The following CACNA2D3 variants were observed in gnomAD, a reference collection of about 807,000 sequenced individuals.
CACNA2D3 encodes voltage-dependent calcium channel subunit alpha-2/delta-3.
Under a neutral mutation model 160.6 loss-of-function variants are expected in CACNA2D3, and 60 were observed. That is an observed-to-expected ratio of 0.37 (90% confidence interval 0.30 to 0.46). The LOEUF (loss-of-function observed/expected upper bound fraction) is 0.46. Ranked by LOEUF, CACNA2D3 falls within the 20% of genes least tolerant of loss-of-function variation. The pLI, the probability that CACNA2D3 is intolerant of heterozygous loss-of-function variation, is 1.00. For missense variants in CACNA2D3, 1,205 were observed against 1,365.0 expected (o/e 0.88, Z 1.85); for synonymous variants, 558 against 492.9 (o/e 1.13, Z -1.75).
intron 2 of CACNA2D3, among the ~76,000 whole-genome samples, chr3:54,291,014 AC>A (rs1703187372): frequency 1.3e-5 from 2 of 152,184 alleles, no homozygotes; most frequent in Non-Finnish European, 2.9e-5. Flanking sequence ...ATATGTAACA[AC>A]CCTGCACGTT....
intron 14 of CACNA2D3, among the ~76,000 whole-genome samples, chr3:54,822,816 T>C (rs1455449299): frequency 3.3e-5 from 4 of 121,372 alleles, no homozygotes; most frequent in East Asian, 2.3e-4. Flanking sequence ...TCTTTCTTTC[T>C]TTCTTTCTTT....
chr3:54,488,224 AG>A (rs150001347), intron 4 of CACNA2D3, among the ~76,000 whole-genome samples: 3,107 of 152,304 alleles, frequency 0.02, 84 homozygotes, highest in East Asian at 0.11. Flanking sequence ...GGGTTGCTTA[AG>A]CAAGGTAGTT....
intron 13 of CACNA2D3, among the ~76,000 whole-genome samples, chr3:54,811,490 T>TAA (rs1703315755): frequency 2.6e-5 from 3 of 114,940 alleles, no homozygotes; most frequent in Non-Finnish European, 3.5e-5. Context: ...TTTTTTTTTT[T>TAA]TTTTTTTTTT....
intron 35 of CACNA2D3, among the ~76,000 whole-genome samples, chr3:55,031,484 A>G: frequency 6.6e-6 from 1 of 152,232 alleles, no homozygotes; most frequent in East Asian, 1.9e-4. Flanking sequence ...GAATATAGAT[A>G]CAAAGTTTCT....
intron 5 of CACNA2D3, among the ~76,000 whole-genome samples, chr3:54,535,596 C>T (rs1242102376): frequency 1.3e-5 from 2 of 152,114 alleles, no homozygotes; most frequent in South Asian, 2.1e-4. Context: ...CTATTATATC[C>T]TTCATTGATT....
rs780382463 is a variant in CACNA2D3 at position 54,896,779 on chromosome 3, C to T, written c.2277C>T (p.Asn759=). ...TCCTGAAAGCTGGCGACAAGGAGAA[C>T]ATTTTTAACGCAGACCATTTCCCTC... is the stretch of plus-strand genomic sequence containing the variant. The part of the protein sequence containing the change: ...QDFLKAGDKE[N]IFNADHFPLW... The change falls in exon 26 of 38, where the codon AAC becomes AAT. Residue 759 remains asparagine, a synonymous_variant. Coordinates refer to ENST00000474759, the MANE Select transcript of CACNA2D3 (RefSeq NM_018398.3). The T allele has an allele frequency of 6.2e-7, 1 of 1,614,036 alleles. No homozygotes were observed. The highest frequency in any genetic ancestry group is 1.1e-5 in the South Asian group (1 of 91,088).
intron 4 of CACNA2D3, among the ~76,000 whole-genome samples, chr3:54,494,365 G>A (rs1455624805): frequency 1.3e-5 from 2 of 152,130 alleles, no homozygotes; most frequent in Admixed American, 1.3e-4. Flanking sequence ...ACACACAATC[G>A]TCCCTGGTAA....
intron 4 of CACNA2D3, among the ~76,000 whole-genome samples, chr3:54,479,518 G>A (rs1035040636): frequency 6.6e-6 from 1 of 152,150 alleles, no homozygotes; most frequent in Non-Finnish European, 1.5e-5. Flanking sequence ...CCTGCTTCCT[G>A]CTTGTGTTGC....
At chr3:54,632,219 G>C (rs1027977931) in intron 10 of CACNA2D3, 1 of 152,230 alleles carries the variant, frequency 6.6e-6, no homozygotes, top group Non-Finnish European at 1.5e-5. Flanking sequence ...AGAGAAGAAA[G>C]TACTGTTTTT....
At chr3:54,294,347 G>A (rs1231176001) in intron 2 of CACNA2D3, among the ~76,000 whole-genome samples, 5 of 152,234 alleles carry the variant, frequency 3.3e-5, no homozygotes, top group East Asian at 3.9e-4. Context: ...AAAGTTTTTC[G>A]AGGGAACAGG....
intron 35 of CACNA2D3, among the ~76,000 whole-genome samples, chr3:55,045,411 A>T (rs2107197090): frequency 6.6e-6 from 1 of 152,326 alleles, no homozygotes; most frequent in Middle Eastern, 3.4e-3. Context: ...CTAGCCTTAT[A>T]AAAACACTTG....
chr3:54,201,486 T>A (rs573756755), intron 2 of CACNA2D3, among the ~76,000 whole-genome samples: 2 of 152,220 alleles, frequency 1.3e-5, no homozygotes, highest in Non-Finnish European at 2.9e-5. Context: ...CCAACCCTTA[T>A]GGGTCGTGTT....
At chr3:54,673,086 G>A (rs988155736) in intron 11 of CACNA2D3, among the ~76,000 whole-genome samples, 1 of 152,118 alleles carries the variant, frequency 6.6e-6, no homozygotes, top group South Asian at 2.1e-4. Context: ...AGTCCTTTAG[G>A]GATATTTGTC....
At chr3:54,518,732 T>C (rs574885630) in intron 5 of CACNA2D3, among the ~76,000 whole-genome samples, 30 of 145,910 alleles carry the variant, frequency 2.1e-4, no homozygotes, top group African/African-American at 6.9e-4. Flanking sequence ...TGTCAAGATA[T>C]GAAATATCTT....
At chr3:54,528,529 G>A (rs6798952) in intron 5 of CACNA2D3, among the ~76,000 whole-genome samples, 99,958 of 151,642 alleles carry the variant, frequency 0.66, 33,160 homozygotes, top group Non-Finnish European at 0.66. Context: ...TTGTACCTGT[G>A]TTTATCCTGA....
intron 11 of CACNA2D3, among the ~76,000 whole-genome samples, chr3:54,741,177 G>T (rs1701640700): frequency 6.6e-6 from 1 of 152,164 alleles, no homozygotes; most frequent in South Asian, 2.1e-4. Context: ...ATTAAAGGAA[G>T]AGGAGCCTTT....
chr3:54,359,046 A>G (rs1325068225), intron 3 of CACNA2D3, among the ~76,000 whole-genome samples: 3 of 152,076 alleles, frequency 2.0e-5, no homozygotes, highest in Non-Finnish European at 2.9e-5. Context: ...ATGAGGTAGT[A>G]TATTTAGTAT....
chr3:54,874,399 T>G (rs1699612742), intron 18 of CACNA2D3, among the ~76,000 whole-genome samples: 1 of 151,332 alleles, frequency 6.6e-6, no homozygotes, highest in Admixed American at 6.6e-5. Flanking sequence ...GAAGGGAAAA[T>G]TATCTTAAAA....
At chr3:54,616,537 GTGTAA>G (rs1336917877) in intron 9 of CACNA2D3, among the ~76,000 whole-genome samples, 1 of 152,150 alleles carries the variant, frequency 6.6e-6, no homozygotes, top group African/African-American at 2.4e-5. Flanking sequence ...CCAACCCCTG[GTGTAA>G]TGTAAGAGGG....
Sources: gnomAD v4.1 joint callset for allele counts (sites outside exome capture counted in the v4.1 genomes callset) on GRCh38, gnomAD v4.1.1 for gene constraint, MANE v1.5 for transcripts, NCBI Gene and HGNC (gene_info 2026-07-23, HGNC 2026-07-21) for gene names.